The following CHD5 variants were observed in gnomAD, a reference collection of about 807,000 sequenced individuals.
CHD5 encodes the protein ATP-dependent chromatin remodeler CHD5.
In CHD5, 69 loss-of-function variants were observed where a neutral mutation model predicts 230.3. The ratio of observed to expected loss-of-function variants is 0.30; its 90% CI spans 0.25 to 0.37. CHD5 has a LOEUF of 0.37. CHD5 is among the 10% of genes least tolerant of loss of function. The pLI, the probability that CHD5 is intolerant of heterozygous loss-of-function variation, is 1.00. For synonymous variants in CHD5, 1,064 were observed against 1,065.9 expected, an observed-to-expected ratio of 1.00 and a Z score of 0.03; for missense variants, 1,827 against 2,622.8, an observed-to-expected ratio of 0.70 and a Z score of 6.63.
In CHD5 at chr1:6,142,723, CT is replaced by C. The variant is rs1241499133; in HGVS notation, c.2044-119del. On this transcript the variant is annotated intron_variant, in intron 13 of 41. Transcript: ENST00000262450. This position sits in a 1 kb window ranked among gnomAD's most constrained non-coding sequence, Gnocchi z 5.2. ...GAACACTCTTCCCACTCCTGTCTGT[CT>C]TCCTAACTCTTCTCCAGTTCTTGGA... 33 of 1,092,028 alleles carry C rather than the reference CT, an allele frequency of 3.0e-5. No homozygotes were observed. Among genetic ancestry groups the C allele is most frequent in the Non-Finnish European group, 4.1e-5 (32 of 779,532 alleles). The allele number at this position is 1,092,028 out of a possible 1,614,324, so 67.6% of individuals were successfully genotyped here.
intron 2 of CHD5, among the ~76,000 whole-genome samples, chr1:6,164,343 C>G (rs1461228550): frequency 6.6e-6 from 1 of 152,200 alleles, no homozygotes; most frequent in Non-Finnish European, 1.5e-5. Flanking sequence ...GTGTTATAAA[C>G]AGTTATAATT....
At chr1:6,161,003 G>A (rs1175922371) in intron 2 of CHD5, among the ~76,000 whole-genome samples, 1 of 152,242 alleles carries the variant, frequency 6.6e-6, no homozygotes, top group Non-Finnish European at 1.5e-5. Context: ...GCGCAGGACT[G>A]CTGTTAACTG....
At position 6,125,274 on chromosome 1, in the gene CHD5, AGGGGTG is replaced by A; in HGVS notation, c.4261-47_4261-42del. The A allele has an allele frequency of 2.8e-5, 18 of 652,642 alleles. No homozygotes were observed. The highest frequency in any genetic ancestry group is 3.7e-5 in the Non-Finnish European group (16 of 429,188). The allele number at this position is 652,642 out of a possible 1,614,324, so 40.4% of individuals were successfully genotyped here. A position where few individuals can be genotyped will look rare whatever the true frequency, so the allele number is the denominator to read the frequency against. On this transcript the variant is annotated intron_variant, in intron 28 of 41. Coordinates refer to ENST00000262450, the MANE Select transcript of CHD5 (RefSeq NM_015557.3). This position sits in a 1 kb window ranked among gnomAD's most constrained non-coding sequence, Gnocchi z 6.7. The stretch of plus-strand genomic sequence containing the variant: ...GTGGGAGTATGAGCCCAGGACAGAG[AGGGGTG>A]GGGGTGGAGGATTCTGGGATGGGGG...
intron 36 of CHD5, among the ~76,000 whole-genome samples, chr1:6,111,294 G>C (rs1666283772): frequency 1.3e-5 from 2 of 151,714 alleles, no homozygotes; most frequent in Non-Finnish European, 2.9e-5. Flanking sequence ...AGCACTTTGG[G>C]AGGCCAAGGT....
At position 6,125,263 on chromosome 1, in the gene CHD5, C is replaced by A; in HGVS notation, c.4261-30G>T. ...GCGAGTGGAGCGTGGGAGTATGAGC[C>A]CAGGACAGAGAGGGGTGGGGGTGGA... On this transcript the variant is annotated intron_variant, in intron 28 of 41. Transcript: ENST00000262450. This position sits in a 1 kb window ranked among gnomAD's most constrained non-coding sequence, Gnocchi z 6.7. The A allele has an allele frequency of 6.3e-7, 1 of 1,582,914 alleles. No individual in the cohort carries two copies. Among genetic ancestry groups the A allele is most frequent in the South Asian group, 1.1e-5 (1 of 88,746 alleles).
At chr1:6,153,107 G>C (rs979793290) in intron 5 of CHD5, among the ~76,000 whole-genome samples, 22 of 152,220 alleles carry the variant, frequency 1.4e-4, no homozygotes, top group African/African-American at 5.1e-4. Flanking sequence ...AGGAAGGGGG[G>C]CCTGGAGGCA....
chr1:6,164,480 G>A (rs576751019), intron 2 of CHD5, among the ~76,000 whole-genome samples: 12 of 152,300 alleles, frequency 7.9e-5, no homozygotes, highest in Admixed American at 2.6e-4. Flanking sequence ...GCTGCAGCCC[G>A]GTTATTTTAT....
chr1:6,128,612 G>T lies in CHD5; in HGVS notation c.3620-3C>A, dbSNP rs1666602124. ...CCTCTGGCCCTGAGACATCATGCCT[G>T]TCAGACAGAGAAGGAAAGCACTGGT... is the stretch of plus-strand genomic sequence containing the variant. On this transcript the variant is annotated splice_polypyrimidine_tract_variant and splice_region_variant and intron_variant, in intron 23 of 41. Coordinates refer to ENST00000262450, the MANE Select transcript of CHD5 (RefSeq NM_015557.3). The surrounding 1 kb of genome is among the most constrained non-coding windows in gnomAD (Gnocchi z 7.8). The T allele has an allele frequency of 6.2e-7, 1 of 1,608,584 alleles. No individual in the cohort carries two copies. Among genetic ancestry groups the T allele is most frequent in the Non-Finnish European group, 8.5e-7 (1 of 1,175,322 alleles).
At chr1:6,148,618 T>A (rs1056221571) in intron 9 of CHD5, among the ~76,000 whole-genome samples, 2 of 152,176 alleles carry the variant, frequency 1.3e-5, no homozygotes, top group Non-Finnish European at 2.9e-5. Flanking sequence ...TGTCTGCCTT[T>A]CCCTAACACT....
chr1:6,149,354 C>A lies in CHD5; in HGVS notation c.1053G>T (p.Gln351His). The change falls in exon 8 of 42, where the codon CAG becomes CAT. Residue 351 changes from glutamine to histidine, a missense_variant. By Grantham distance (24) the Gln-to-His change is conservative (BLOSUM62 0). Transcript: ENST00000262450. ...DHQDYCEVCQQGGEIILCDTC... is the reference protein window; with the variant it reads ...DHQDYCEVCQHGGEIILCDTC... Reference sequence around the variant, plus strand: ...TGTCGCACAGGATGATCTCCCCACCCTGCTGGCACACCTCACAGTAATCCT... The same window carrying A: ...TGTCGCACAGGATGATCTCCCCACCATGCTGGCACACCTCACAGTAATCCT... 1 of 1,613,614 alleles carries A rather than the reference C, an allele frequency of 6.2e-7. No individual in the cohort carries two copies. The highest frequency in any genetic ancestry group is 8.5e-7 in the Non-Finnish European group (1 of 1,179,850).
At chr1:6,107,575 G>A in intron 38 of CHD5, among the ~76,000 whole-genome samples, 1 of 37,840 alleles carries the variant, frequency 2.6e-5, no homozygotes, top group Non-Finnish European at 4.8e-5. Context: ...AGAGATAAAG[G>A]GATGTAGGGA....
chr1:6,176,782 C>G (rs899278577), intron 1 of CHD5, among the ~76,000 whole-genome samples: 2 of 152,178 alleles, frequency 1.3e-5, no homozygotes, highest in South Asian at 2.1e-4. Flanking sequence ...GTGGGCACAC[C>G]GAGGAGAGGG....
chr1:6,124,224 C>T (rs1666516921), intron 30 of CHD5, 117 bp from the exon 31 acceptor site: 3 of 1,044,162 alleles, frequency 2.9e-6, no homozygotes, highest in Non-Finnish European at 4.2e-6. Context: ...GGGGTAGCTG[C>T]TACCTCCGCC....
At position 6,102,116 on chromosome 1, in the gene CHD5, C is replaced by A; in HGVS notation, c.*3358G>T. 2 of 339,244 alleles carry A rather than the reference C, an allele frequency of 5.9e-6. No homozygotes were observed. The highest frequency in any genetic ancestry group is 1.2e-5 in the Non-Finnish European group (2 of 168,370). The allele number at this position is 339,244 out of a possible 1,614,324, so 21.0% of individuals were successfully genotyped here. On this transcript the variant is annotated 3_prime_UTR_variant, in exon 42 of 42. Coordinates refer to ENST00000262450, the MANE Select transcript of CHD5 (RefSeq NM_015557.3). ...CTCCCTCCACACCCCTGAACTCAGA[C>A]CCCACGGGCCAGTGGGGACCCTCCC... is the stretch of plus-strand genomic sequence containing the variant.
Position 6,126,983 on chromosome 1 carries a change from C to A in CHD5, c.3904-237G>T. ...CCATCCATTCACAAAGCAAGTATTT[C>A]CTCGCCTCCTGTCAAGCACTGAGGT... On this transcript the variant is annotated intron_variant, in intron 25 of 41. Transcript: ENST00000262450. This position sits in a 1 kb window ranked among gnomAD's most constrained non-coding sequence, Gnocchi z 5.7. 1 of 564,200 alleles carries A rather than the reference C, an allele frequency of 1.8e-6. No individual in the cohort carries two copies. Among genetic ancestry groups the A allele is most frequent in the Non-Finnish European group, 3.2e-6 (1 of 314,574 alleles). The allele number at this position is 564,200 out of a possible 1,614,324, so 34.9% of individuals were successfully genotyped here.
intron 2 of CHD5, among the ~76,000 whole-genome samples, chr1:6,163,363 G>A (rs1010477771): frequency 6.6e-6 from 1 of 152,198 alleles, no homozygotes; most frequent in African/African-American, 2.4e-5. Flanking sequence ...CTGAGCCTCT[G>A]CCCTGCCTCC....
Position 6,180,111 on chromosome 1 carries a change from G to C in CHD5, c.-88C>G. ...AACCCGTGCGCTGCCGGACCGGCGC[G>C]CGCGGCGGGCGAGGCGGCCTCGGCG... On this transcript the variant is annotated 5_prime_UTR_variant, in exon 1 of 42. Coordinates refer to ENST00000262450, the MANE Select transcript of CHD5 (RefSeq NM_015557.3). 3.6e-6 allele frequency: 2 copies of C among 558,634 alleles called. No individual in the cohort carries two copies. The highest frequency in any genetic ancestry group is 4.8e-6 in the Non-Finnish European group (2 of 418,980). 34.6% of individuals were successfully genotyped at this position (558,634 alleles called of 1,614,324 possible). A position where few individuals can be genotyped will look rare whatever the true frequency, so the allele number is the denominator to read the frequency against.
chr1:6,164,935 A>G (rs1317449522), intron 2 of CHD5, among the ~76,000 whole-genome samples: 1 of 152,196 alleles, frequency 6.6e-6, no homozygotes, highest in Non-Finnish European at 1.5e-5. Context: ...AAGGAGAGAG[A>G]GGAGATGCCG....
intron 6 of CHD5, 148 bp from the exon 7 acceptor site, chr1:6,151,303 A>ATGTGAGGTTTTC: frequency 1.1e-6 from 1 of 938,214 alleles, no homozygotes; most frequent in Non-Finnish European, 1.5e-6. Context: ...CACAGCTGAA[A>ATGTGAGGTTTTC]ACCTCACATT....
Sources: gnomAD v4.1 joint callset for allele counts (sites outside exome capture counted in the v4.1 genomes callset) on GRCh38, gnomAD v4.1.1 for gene constraint, Gnocchi (gnomAD v3.1) non-coding constraint, MANE v1.5 for transcripts, NCBI Gene and HGNC (gene_info 2026-07-23, HGNC 2026-07-21) for gene names.